SAMHD1: variants seen among roughly 807,000 people sequenced by gnomAD.
SAMHD1 encodes the protein deoxynucleoside triphosphate triphosphohydrolase SAMHD1.
Under a neutral mutation model 79.6 loss-of-function variants are expected in SAMHD1, and 54 were observed. That is an observed-to-expected ratio of 0.68 (90% confidence interval 0.55 to 0.85). The LOEUF is 0.85. Ranked by LOEUF, SAMHD1 falls within the 40% of genes least tolerant of loss-of-function variation. The pLI is 0.00. For missense variants in SAMHD1, 663 were observed against 782.7 expected, an observed-to-expected ratio of 0.85 and a Z score of 1.82; for synonymous variants, 260 against 264.1, an observed-to-expected ratio of 0.98 and a Z score of 0.15.
chr20:36,920,240 G>A (rs1466441873), intron 6 of SAMHD1, among the ~76,000 whole-genome samples: 4 of 151,868 alleles, frequency 2.6e-5, no homozygotes, highest in African/African-American at 2.4e-5. Flanking sequence ...TCAGCCTCCC[G>A]AGTAGCTGAA....
chr20:36,924,970 A>G (rs1201824925), intron 6 of SAMHD1, among the ~76,000 whole-genome samples: 1 of 152,010 alleles, frequency 6.6e-6, no homozygotes, highest in Non-Finnish European at 1.5e-5. Context: ...CAGCCTAACC[A>G]ACATGGTGAA....
At chr20:36,918,926 A>G (rs1329604367) in intron 7 of SAMHD1, among the ~76,000 whole-genome samples, 2 of 152,090 alleles carry the variant, frequency 1.3e-5, no homozygotes, top group African/African-American at 4.8e-5. Context: ...ACTTGAGCTC[A>G]GGATTTCAAG....
At chr20:36,901,853 T>A (rs1237014563) in intron 13 of SAMHD1, among the ~76,000 whole-genome samples, 1 of 152,226 alleles carries the variant, frequency 6.6e-6, no homozygotes, top group East Asian at 1.9e-4. Context: ...GAAAGGGACA[T>A]CACTGACCAA....
chr20:36,931,682 C>T (rs1175247459), intron 4 of SAMHD1, among the ~76,000 whole-genome samples: 1 of 151,788 alleles, frequency 6.6e-6, no homozygotes, highest in African/African-American at 2.4e-5. Context: ...TTTGTACAGA[C>T]ATGTTCATAG....
intron 3 of SAMHD1, among the ~76,000 whole-genome samples, chr20:36,936,915 T>C (rs1177337182): frequency 6.6e-6 from 1 of 151,702 alleles, no homozygotes; most frequent in Non-Finnish European, 1.5e-5. Flanking sequence ...CCAAGGCGGG[T>C]GGATCACCTG....
chr20:36,895,753 T>C (rs995570884), intron 15 of SAMHD1, among the ~76,000 whole-genome samples: 4 of 152,082 alleles, frequency 2.6e-5, no homozygotes, highest in African/African-American at 7.2e-5. Context: ...TGATTTAGTT[T>C]CAGTGATTTA....
At chr20:36,918,821 A>AAAAG (rs1568770500) in intron 7 of SAMHD1, among the ~76,000 whole-genome samples, 9 of 147,614 alleles carry the variant, frequency 6.1e-5, no homozygotes, top group Non-Finnish European at 1.2e-4. Context: ...AAAAAAAAAA[A>AAAAG]AAAGAAAGAA....
rs571084099 is a variant in SAMHD1, at chr20:36,918,525, G to A, written c.852+839C>T. On this transcript the variant is annotated intron_variant, in intron 7 of 15. Coordinates refer to ENST00000646673, the MANE Select transcript of SAMHD1 (RefSeq NM_015474.4). ...ACTAAAAAAGAATTTATGGCCGGGC[G>A]CGGTGGCGGCTCACGCTTGTAATCC... Among the ~76,000 whole-genome samples the A allele has an allele frequency of 1.7e-4, 26 of 151,820 alleles. No individual in the cohort carries two copies. In the East Asian group the frequency reaches 4.3e-3, roughly 25 times the overall value.
rs1469184782 is a variant in SAMHD1, at chr20:36,904,146, TA to T, written c.1503+10del. ...GTATTCACTCAGTTTATTACTGGGC[TA>T]ATTACTTACATCCACTATAAAATCT... On this transcript the variant is annotated intron_variant, in intron 13 of 15. Transcript: ENST00000646673. 3 of 1,566,022 alleles carry T rather than the reference TA, an allele frequency of 1.9e-6. No individual in the cohort carries two copies. The highest frequency in any genetic ancestry group is 2.6e-6 in the Non-Finnish European group (3 of 1,136,362).
chr20:36,921,821 TG>T (rs1949078349), intron 6 of SAMHD1, among the ~76,000 whole-genome samples: 1 of 151,956 alleles, frequency 6.6e-6, no homozygotes, highest in Admixed American at 6.6e-5. Flanking sequence ...CCCGAGTAGC[TG>T]GGATTACAGG....
At chr20:36,940,042 T>C (rs2063631632) in intron 3 of SAMHD1, 1 of 151,882 alleles carries the variant, frequency 6.6e-6, no homozygotes, top group African/African-American at 2.4e-5. Flanking sequence ...CCAACTCTAC[T>C]AAAAATGCAA....
intron 4 of SAMHD1, among the ~76,000 whole-genome samples, chr20:36,934,429 TACAGA>T (rs1197004910): frequency 7.4e-6 from 1 of 135,152 alleles, no homozygotes; most frequent in African/African-American, 2.8e-5. Context: ...GAGGCTGAGG[TACAGA>T]ACTGCTTGAA....
At position 36,892,982 on chromosome 20, in the gene SAMHD1, G is replaced by C. The variant is rs760217203; in HGVS notation, c.1831C>G (p.Arg611Gly). 5.0e-6 allele frequency: 8 copies of C among 1,614,008 alleles called. No individual in the cohort carries two copies. In the South Asian group the frequency reaches 8.8e-5, roughly 18 times the overall value. ...STSVQNPTRL[R>G]EASKSRVQLF... ...TGGACTCTGCTTTTGGATGCTTCTC[G>C]GAGGCGAGTTGGATTTTGGACTGAA... The change falls in exon 16 of 16, where the codon CGA becomes GGA. Residue 611 changes from arginine to glycine, a missense_variant. Arg to Gly is a moderately radical substitution (Grantham distance 125). Coordinates refer to ENST00000646673, the MANE Select transcript of SAMHD1 (RefSeq NM_015474.4).
chr20:36,937,918 C>A (rs924540278), intron 3 of SAMHD1, among the ~76,000 whole-genome samples: 3 of 146,204 alleles, frequency 2.1e-5, no homozygotes, highest in South Asian at 2.1e-4. Context: ...AGTGCAGCGG[C>A]GTGATCATGG....
rs1193287869 is a variant in SAMHD1 at position 36,951,495 on chromosome 20, A to T, written c.149T>A (p.Val50Glu). ...PDYKTWGPEQ[V>E]CSFLRRGGFE... is the part of the protein sequence containing the mutation. ...GCCACCGCGCCTGAGGAAGGAGCAC[A>T]CCTGCTCCGGACCCCATGTCTTGTA... The change falls in exon 1 of 16, where the codon GTG (valine) becomes GAG (glutamate). Residue 50 changes from valine (V) to glutamate (E), a missense_variant. Coordinates refer to ENST00000646673, the MANE Select transcript of SAMHD1 (RefSeq NM_015474.4). 1 of 1,614,058 alleles carries T rather than the reference A, an allele frequency of 6.2e-7. No individual in the cohort carries two copies.
intron 6 of SAMHD1, among the ~76,000 whole-genome samples, chr20:36,920,951 T>G (rs2063500325): frequency 6.6e-6 from 1 of 151,520 alleles, no homozygotes; most frequent in Non-Finnish European, 1.5e-5. Context: ...CTGGGTATAG[T>G]GACATGCGCC....
At chr20:36,928,287 G>A (rs1156441060) in intron 5 of SAMHD1, among the ~76,000 whole-genome samples, 2 of 152,096 alleles carry the variant, frequency 1.3e-5, no homozygotes, top group Admixed American at 1.3e-4. Flanking sequence ...TACTCGGGAG[G>A]CTGAGACAGG....
At chr20:36,897,745 T>A (rs1214414578) in intron 15 of SAMHD1, 77 bp downstream of exon 15, 3 of 1,530,562 alleles carry the variant, frequency 2.0e-6, no homozygotes, top group Non-Finnish European at 2.7e-6. Flanking sequence ...TGGGAACTTT[T>A]CAGCAGATAG....
intron 2 of SAMHD1, among the ~76,000 whole-genome samples, chr20:36,945,253 A>G (rs561232167): frequency 3.3e-5 from 5 of 152,266 alleles, no homozygotes; most frequent in African/African-American, 1.2e-4. Context: ...AGCGTTAATC[A>G]TATGCTTCAA....
Sources: gnomAD v4.1 joint callset for allele counts (sites outside exome capture counted in the v4.1 genomes callset) on GRCh38, gnomAD v4.1.1 for gene constraint, MANE v1.5 for transcripts, NCBI Gene and HGNC (gene_info 2026-07-23, HGNC 2026-07-21) for gene names.